Variants in AATK observed in about 807,000 individuals in gnomAD.
The protein encoded by AATK is serine/threonine-protein kinase LMTK1.
In AATK, 91 loss-of-function variants were observed where a neutral mutation model predicts 114.3. That is an observed-to-expected ratio of 0.80 (90% CI 0.67 to 0.95). The LOEUF (loss-of-function observed/expected upper bound fraction) is 0.95, where lower values mean the gene tolerates loss of function less well. Among genes scored for constraint, AATK ranks in the 40% least tolerant of loss-of-function variants. The pLI is 0.00. For synonymous variants in AATK, 1,075 were observed against 916.5 expected, an observed-to-expected ratio of 1.17 and a Z score of -3.12; for missense variants, 2,176 against 1,965.2, an observed-to-expected ratio of 1.11 and a Z score of -2.03.
chr17:81,122,632 A>T lies in AATK; in HGVS notation c.1304T>A (p.Leu435Gln). 1 of 1,419,438 alleles carries T rather than the reference A, an allele frequency of 7.0e-7. No homozygotes were observed. Among genetic ancestry groups the T allele is most frequent in the African/African-American group, 1.5e-5 (1 of 65,778 alleles). The allele number at this position is 1,419,438 out of a possible 1,614,324, so 87.9% of individuals were successfully genotyped here. A position where few individuals can be genotyped will look rare whatever the true frequency, so the allele number is the denominator to read the frequency against. ...GPGPGAAGPMLGGVVELAAAS... is the reference protein window; with the variant it reads ...GPGPGAAGPMQGGVVELAAAS... ...AGCGGCGAGCTCCACCACGCCGCCC[A>T]GCATGGGCCCCGCCGCACCGGGCCC... Residue 435 changes from leucine (L) to glutamine (Q), a missense_variant, in exon 11 of 14, where the codon CTG becomes CAG. This residue lies in a region of AATK where 1,701 missense variants were observed against 1,394.7 expected (regional missense o/e 1.22). Transcript: ENST00000326724.
Position 81,123,417 on chromosome 17 carries a change from G to A in AATK, c.963-74C>T, listed in dbSNP as rs183022977. 2,530 of 1,265,452 alleles carry A rather than the reference G, an allele frequency of 2.0e-3. 6 individuals are homozygous for A. Among genetic ancestry groups the A allele is most frequent in the Non-Finnish European group, 2.1e-3 (2,054 of 994,608 alleles). 78.4% of individuals were successfully genotyped at this position (1,265,452 alleles called of 1,614,324 possible). Reference sequence around the variant, plus strand: ...AAGGACCGCGCAGGATCCCCGGGGCGCCGAATGGGGCAGCTCCCGCCATCA... The same window carrying A: ...AAGGACCGCGCAGGATCCCCGGGGCACCGAATGGGGCAGCTCCCGCCATCA... On this transcript the variant is annotated intron_variant, in intron 9 of 13. Transcript: ENST00000326724.
intron 1 of AATK, chr17:81,160,140 G>A (rs2061412983): frequency 1.2e-5 from 7 of 564,242 alleles, no homozygotes; most frequent in Non-Finnish European, 1.6e-5. Context: ...TCCGCTGGCA[G>A]GGTCCCTGCA....
At position 81,122,536 on chromosome 17, in the gene AATK, G is replaced by A; in HGVS notation, c.1400C>T (p.Thr467Met). The change falls in exon 11 of 14, where the codon ACG becomes ATG. Residue 467 changes from threonine (T) to methionine (M), a missense_variant. Transcript: ENST00000326724. ...GFHADGDDVL[T>M]VTETSRGLNF... is the part of the protein sequence containing the mutation. ...GAGGCCTCGGCTGGTCTCGGTCACC[G>A]TCAGCACGTCGTCGCCGTCCGCGTG... 2.7e-6 allele frequency: 4 copies of A among 1,480,118 alleles called. No individual in the cohort carries two copies. The highest frequency in any genetic ancestry group is 3.6e-6 in the Non-Finnish European group (4 of 1,111,312). 91.7% of individuals were successfully genotyped at this position (1,480,118 alleles called of 1,614,324 possible). A position where few individuals can be genotyped will look rare whatever the true frequency, so the allele number is the denominator to read the frequency against.
chr17:81,160,085 A>G (rs2061412374), intron 1 of AATK, among the ~76,000 whole-genome samples: 1 of 152,040 alleles, frequency 6.6e-6, no homozygotes, highest in African/African-American at 2.4e-5. Context: ...CCGGCTGCCC[A>G]GAATCGCCCA....
In AATK at chr17:81,121,730, C is replaced by A; in HGVS notation, c.2206G>T (p.Ala736Ser). 1 of 1,496,466 alleles carries A rather than the reference C, an allele frequency of 6.7e-7. No individual in the cohort carries two copies. Among genetic ancestry groups the A allele is most frequent in the Non-Finnish European group, 8.9e-7 (1 of 1,127,012 alleles). 92.7% of individuals were successfully genotyped at this position (1,496,466 alleles called of 1,614,324 possible). A position where few individuals can be genotyped will look rare whatever the true frequency, so the allele number is the denominator to read the frequency against. Residue 736 changes from alanine (A) to serine (S), a missense_variant, in exon 11 of 14, where the codon GCC becomes TCC. Coordinates refer to ENST00000326724, the MANE Select transcript of AATK (RefSeq NM_001080395.3). ...CCGGGGCAGCAGCCTGGCTCCTGGG[C>A]AGAGGCTGCCTGGAGCCCAAGCAGA... ...EPLLGLQAASAQEPGCCPGLP... is the reference protein window; with the variant it reads ...EPLLGLQAASSQEPGCCPGLP...
intron 12 of AATK, 76 bp from the exon 13 acceptor site, chr17:81,119,656 CCCAGGCCCCGCCTCCCATCATGTCACG>C: frequency 3.7e-6 from 2 of 540,938 alleles, no homozygotes; most frequent in East Asian, 7.1e-5. Context: ...CAGTCACGGG[CCCAGGCCCCGCCTCCCATCATGTCACG>C]GGCCCAGGCC....
In AATK at chr17:81,122,804, A is replaced by G; in HGVS notation, c.1132T>C (p.Cys378Arg). The change falls in exon 11 of 14, where the codon TGC becomes CGC. Residue 378 changes from cysteine (C) to arginine (R), a missense_variant. By Grantham distance (180) the Cys-to-Arg change is radical. This residue lies in a region of AATK where 273 missense variants were observed against 344.1 expected (regional missense o/e 0.79). Coordinates refer to ENST00000326724, the MANE Select transcript of AATK (RefSeq NM_001080395.3). ...SDRWYEVMQF[C>R]WLQPEQRPTA... ...GGCCGCTGCTCGGGCTGCAGCCAGC[A>G]GAACTGCATCACCTCGTACCTGCGA... is the stretch of plus-strand genomic sequence containing the variant. 2.5e-6 allele frequency: 4 copies of G among 1,573,414 alleles called. No homozygotes were observed. Among genetic ancestry groups the G allele is most frequent in the Non-Finnish European group, 3.4e-6 (4 of 1,159,684 alleles).
intron 1 of AATK, among the ~76,000 whole-genome samples, chr17:81,138,568 CCA>C (rs2061065277): frequency 6.8e-6 from 1 of 146,242 alleles, no homozygotes; most frequent in African/African-American, 2.5e-5. Flanking sequence ...ACACATACCC[CCA>C]CACGCACATA....
chr17:81,145,536 C>G, intron 1 of AATK, among the ~76,000 whole-genome samples: 1 of 151,824 alleles, frequency 6.6e-6, no homozygotes. Flanking sequence ...ACTTTGAGGC[C>G]AGCCTGACCA....
At chr17:81,165,731 C>G (rs1345767320) in intron 1 of AATK, 1 of 1,524,010 alleles carries the variant, frequency 6.6e-7, no homozygotes, top group Non-Finnish European at 8.8e-7. Context: ...GGGACGCCAG[C>G]CCACAGGCGG....
chr17:81,148,710 G>GCA (rs141111879), intron 1 of AATK, among the ~76,000 whole-genome samples: 31 of 150,898 alleles, frequency 2.1e-4, no homozygotes, highest in Middle Eastern at 3.4e-3. Context: ...GCACACACTT[G>GCA]CACACACACA....
chr17:81,154,319 C>CTT (rs202002919), intron 1 of AATK, among the ~76,000 whole-genome samples: 4,762 of 113,676 alleles, frequency 0.042, 341 homozygotes, highest in African/African-American at 0.12. Flanking sequence ...TTTTTTCTTT[C>CTT]TTTTTTTTTT....
In AATK at chr17:81,165,860, G is replaced by A. The variant is rs986989034; in HGVS notation, c.55+78C>T. On this transcript the variant is annotated intron_variant, in intron 1 of 13. Coordinates refer to ENST00000326724, the MANE Select transcript of AATK (RefSeq NM_001080395.3). ...AAAGGGTTAATTTCCATGCAAACCG[G>A]GAGCCGTGGGGCCCAGGGGCATCAC... is the stretch of plus-strand genomic sequence containing the variant. The A allele has an allele frequency of 1.1e-5, 17 of 1,534,054 alleles. 1 individual carries two copies. The South Asian group carries it at 1.7e-4, about 15-fold the overall frequency.
intron 1 of AATK, among the ~76,000 whole-genome samples, chr17:81,139,090 GCA>G (rs571475860): frequency 5.3e-5 from 8 of 152,214 alleles, no homozygotes; most frequent in Non-Finnish European, 8.8e-5. Context: ...GCACACATGT[GCA>G]CACACATCCC....
chr17:81,149,316 C>T (rs868548770), intron 1 of AATK, among the ~76,000 whole-genome samples: 1 of 152,138 alleles, frequency 6.6e-6, no homozygotes, highest in Non-Finnish European at 1.5e-5. Context: ...ACACCTCCAT[C>T]GGACTGCCCT....
At chr17:81,138,087 C>G (rs982263561) in intron 1 of AATK, among the ~76,000 whole-genome samples, 1 of 150,868 alleles carries the variant, frequency 6.6e-6, no homozygotes, top group Admixed American at 6.6e-5. Flanking sequence ...CACCTGTGTG[C>G]ACACACGCGG....
At chr17:81,163,551 G>A (rs1487685732) in intron 1 of AATK, among the ~76,000 whole-genome samples, 1 of 152,246 alleles carries the variant, frequency 6.6e-6, no homozygotes. Flanking sequence ...GGCTGCAGCT[G>A]CCAAGAAATC....
chr17:81,152,410 AC>A (rs1317711488), intron 1 of AATK, among the ~76,000 whole-genome samples: 2 of 151,702 alleles, frequency 1.3e-5, no homozygotes, highest in Admixed American at 6.6e-5. Context: ...ACATAATGAG[AC>A]CCCGTCCCTA....
rs1470439812 is a variant in AATK at position 81,120,469 on chromosome 17, CCCT to C, written c.3464_3466del (p.Glu1155del). 9 of 1,530,816 alleles carry C rather than the reference CCCT, an allele frequency of 5.9e-6. No homozygotes were observed. Among genetic ancestry groups the C allele is most frequent in the African/African-American group, 1.4e-5 (1 of 72,570 alleles). The allele number at this position is 1,530,816 out of a possible 1,614,324, so 94.8% of individuals were successfully genotyped here. A position where few individuals can be genotyped will look rare whatever the true frequency, so the allele number is the denominator to read the frequency against. ...GTCCTCCTCCTCCTCCTCCGGCCGGCCCTCCAAGGCCGCAGGGAGGCCGGGCAG... is the reference window on the plus strand; with the variant it reads ...GTCCTCCTCCTCCTCCTCCGGCCGGCCCAAGGCCGCAGGGAGGCCGGGCAG... On this transcript the variant is annotated inframe_deletion, in exon 11 of 14. Coordinates refer to ENST00000326724, the MANE Select transcript of AATK (RefSeq NM_001080395.3).
Sources: allele counts gnomAD v4.1 joint callset (sites outside exome capture counted in the v4.1 genomes callset), GRCh38; gene constraint gnomAD v4.1.1; regional missense constraint gnomAD v4.1.1; transcripts MANE v1.5; gene names NCBI Gene and HGNC (gene_info 2026-07-23, HGNC 2026-07-21).